Variants in TECPR2 observed in about 807,000 individuals in gnomAD.
The protein encoded by TECPR2 is tectonin beta-propeller repeat containing 2, also known as tectonin beta-propeller repeat-containing protein 2.
In TECPR2, 65 loss-of-function variants were observed where a neutral mutation model predicts 138.1. The ratio of observed to expected loss-of-function variants is 0.47; its 90% CI spans 0.39 to 0.58. The LOEUF is 0.58. Among genes scored for constraint, TECPR2 ranks in the 20% least tolerant of loss-of-function variants. The pLI, the probability that TECPR2 is intolerant of heterozygous loss-of-function variation, is 0.00. For synonymous variants in TECPR2, 746 were observed against 749.8 expected, an observed-to-expected ratio of 0.99 and a Z score of 0.08; for missense variants, 1,553 against 1,824.5, an observed-to-expected ratio of 0.85 and a Z score of 2.71.
intron 17 of TECPR2, among the ~76,000 whole-genome samples, chr14:102,477,411 G>T (rs1050032912): frequency 2.0e-5 from 3 of 151,960 alleles, no homozygotes; most frequent in Non-Finnish European, 4.4e-5. Context: ...ACAGATCAGT[G>T]CTTACTCAAG....
chr14:102,448,499 A>G (rs1890048779), intron 13 of TECPR2, among the ~76,000 whole-genome samples: 1 of 152,216 alleles, frequency 6.6e-6, no homozygotes, highest in Non-Finnish European at 1.5e-5. Context: ...GTTAGAGTCT[A>G]GATACCCAGG....
chr14:102,484,929 G>A (rs1890988829), intron 17 of TECPR2, among the ~76,000 whole-genome samples: 1 of 152,262 alleles, frequency 6.6e-6, no homozygotes, highest in African/African-American at 2.4e-5. Flanking sequence ...AAAGTGCTGG[G>A]ATTACAGGCG....
rs889418389 is a variant in TECPR2, at chr14:102,443,271, T to C, written c.2753-376T>C. On this transcript the variant is annotated intron_variant, in intron 11 of 19. Transcript: ENST00000359520. This position sits in a 1 kb window ranked among gnomAD's most constrained non-coding sequence, Gnocchi z 4.9. Reference sequence around the variant, plus strand: ...GGGACACCAGATAATTCTGAATTGTTCAGTTTTCAAAGAGTGTCTAAAACT... The same window carrying C: ...GGGACACCAGATAATTCTGAATTGTCCAGTTTTCAAAGAGTGTCTAAAACT... Among the ~76,000 whole-genome samples, 11 of 152,240 alleles carry C rather than the reference T, an allele frequency of 7.2e-5. No homozygotes were observed. Among genetic ancestry groups the C allele is most frequent in the Non-Finnish European group, 1.6e-4 (11 of 68,042 alleles).
intron 17 of TECPR2, among the ~76,000 whole-genome samples, chr14:102,494,044 T>C (rs1271468942): frequency 6.6e-6 from 1 of 152,124 alleles, no homozygotes; most frequent in Non-Finnish European, 1.5e-5. Context: ...GTGCCTCCCA[T>C]ATCTGAACCT....
intron 10 of TECPR2, 146 bp downstream of exon 10, chr14:102,438,351 C>A: frequency 9.5e-7 from 1 of 1,051,572 alleles, no homozygotes; most frequent in Non-Finnish European, 1.3e-6. Context: ...TTTGCCTCTT[C>A]AGGAACGTTT....
rs1356574941 is a variant in TECPR2 at position 102,435,192 on chromosome 14, G to A, written c.2375G>A (p.Gly792Glu). The A allele has an allele frequency of 2.5e-6, 4 of 1,610,720 alleles. 1 individual carries two copies. Among genetic ancestry groups the A allele is most frequent in the South Asian group, 2.2e-5 (2 of 91,014 alleles). Reference protein sequence around the residue: ...DLSRLGAEDAGLLKPDQFAES... With the variant: ...DLSRLGAEDAELLKPDQFAES... ...AGCCGGCTGGGTGCAGAGGACGCCGGGCTGCTCAAGCCAGATCAGGTATGT... is the reference window on the plus strand; with the variant it reads ...AGCCGGCTGGGTGCAGAGGACGCCGAGCTGCTCAAGCCAGATCAGGTATGT... Residue 792 changes from glycine (G) to glutamate (E), a missense_variant, in exon 9 of 20, where the codon GGG becomes GAG. Transcript: ENST00000359520.
intron 8 of TECPR2, among the ~76,000 whole-genome samples, chr14:102,432,560 G>A (rs1391272387): frequency 3.3e-5 from 5 of 151,994 alleles, no homozygotes; most frequent in East Asian, 1.9e-4. Flanking sequence ...CATGCCCAGC[G>A]AATTTTGTAT....
intron 2 of TECPR2, among the ~76,000 whole-genome samples, chr14:102,394,315 A>G (rs1394632863): frequency 1.3e-5 from 2 of 152,146 alleles, no homozygotes; most frequent in East Asian, 3.9e-4. Context: ...GTAACCTTAG[A>G]CAAATTACTA....
intron 17 of TECPR2, among the ~76,000 whole-genome samples, chr14:102,480,631 T>G (rs1049350619): frequency 6.6e-6 from 1 of 152,076 alleles, no homozygotes. Flanking sequence ...ACAATACTCC[T>G]GCCTCAGCCT....
At chr14:102,417,783 G>A (rs1889066840) in intron 5 of TECPR2, among the ~76,000 whole-genome samples, 1 of 147,998 alleles carries the variant, frequency 6.8e-6, no homozygotes, top group African/African-American at 2.5e-5. Flanking sequence ...GGGGAGCTGC[G>A]AGGAGGCTGG....
rs1487311489 is a variant in TECPR2, at chr14:102,415,358, A to G, written c.638+565A>G. Among the ~76,000 whole-genome samples the G allele has an allele frequency of 2.0e-5, 3 of 152,244 alleles. No individual in the cohort carries two copies. Among genetic ancestry groups the G allele is most frequent in the Non-Finnish European group, 1.5e-5 (1 of 68,040 alleles). ...CACACTTTTGTCCAGGTGAAGGGTC[A>G]GGGAAGACATCCTGAAGGCATGGGT... On this transcript the variant is annotated intron_variant, in intron 5 of 19. Coordinates refer to ENST00000359520, the MANE Select transcript of TECPR2 (RefSeq NM_014844.5). This position sits in a 1 kb window ranked among gnomAD's most constrained non-coding sequence, Gnocchi z 4.3.
chr14:102,498,284 G>C lies in TECPR2; in HGVS notation c.*27G>C. On this transcript the variant is annotated 3_prime_UTR_variant, in exon 20 of 20. Transcript: ENST00000359520. ...GGAGCCCTGGCCGAGTCACGCGGAG[G>C]GGCCCGGCGTCTGTGGCGGGCACAG... 1 of 1,587,136 alleles carries C rather than the reference G, an allele frequency of 6.3e-7. No individual in the cohort carries two copies. Among genetic ancestry groups the C allele is most frequent in the Non-Finnish European group, 8.5e-7 (1 of 1,174,454 alleles).
rs928455811 is a variant in TECPR2 at position 102,380,914 on chromosome 14, G to A, written c.219+3974G>A. ...AGGATGGTCTCGATCTCCTGACCTC[G>A]TGATCTGCCCGCCTCGGCCTCCCAA... On this transcript the variant is annotated intron_variant, in intron 2 of 19. Coordinates refer to ENST00000359520, the MANE Select transcript of TECPR2 (RefSeq NM_014844.5). Among the ~76,000 whole-genome samples the A allele has an allele frequency of 3.3e-5, 5 of 151,444 alleles. No homozygotes were observed. The East Asian group carries it at 7.8e-4, about 24-fold the overall frequency.
rs976287781 is a variant in TECPR2 at position 102,419,647 on chromosome 14, A to C, written c.638+4854A>C. Among the ~76,000 whole-genome samples, 3 of 152,104 alleles carry C rather than the reference A, an allele frequency of 2.0e-5. No homozygotes were observed. On this transcript the variant is annotated intron_variant, in intron 5 of 19. Transcript: ENST00000359520. The surrounding 1 kb of genome is among the most constrained non-coding windows in gnomAD (Gnocchi z 4.8). ...AGGTCAGGAGGCCCAGAGGTAGAAG[A>C]CGAGGGGTCCTCTTCCCGTCGAGTC...
At chr14:102,433,613 C>T (rs1056539265) in intron 8 of TECPR2, among the ~76,000 whole-genome samples, 1 of 151,916 alleles carries the variant, frequency 6.6e-6, no homozygotes, top group Non-Finnish European at 1.5e-5. Flanking sequence ...TTCCGCCTCC[C>T]AAGTTCAAGC....
intron 17 of TECPR2, among the ~76,000 whole-genome samples, chr14:102,483,235 A>G (rs1056267554): frequency 6.6e-6 from 1 of 152,070 alleles, no homozygotes; most frequent in Non-Finnish European, 1.5e-5. Flanking sequence ...TCCTAGTGTT[A>G]TAAGAACAGA....
intron 17 of TECPR2, among the ~76,000 whole-genome samples, chr14:102,471,395 T>C (rs1360320114): frequency 6.6e-6 from 1 of 152,166 alleles, no homozygotes; most frequent in East Asian, 1.9e-4. Context: ...GGTAGTAATG[T>C]CTCCTCTTTC....
intron 17 of TECPR2, among the ~76,000 whole-genome samples, chr14:102,490,698 A>T (rs934553255): frequency 1.3e-5 from 2 of 152,120 alleles, no homozygotes; most frequent in African/African-American, 4.8e-5. Flanking sequence ...GTCCTTCAGC[A>T]GGCGCCATGG....
rs1888034909 is a variant in TECPR2, at chr14:102,387,361, A to G, written c.219+10421A>G. On this transcript the variant is annotated intron_variant, in intron 2 of 19. Transcript: ENST00000359520. ...TTGCAAGGAGCTAATAACAAGTACAAAAATGTTAGAAATGTGTTAAATATA... is the reference window on the plus strand; with the variant it reads ...TTGCAAGGAGCTAATAACAAGTACAGAAATGTTAGAAATGTGTTAAATATA... 2.6e-5 allele frequency among the ~76,000 whole-genome samples: 4 copies of G among 152,186 alleles called. No individual in the cohort carries two copies. The South Asian group carries it at 6.2e-4, about 24-fold the overall frequency.
Sources: gnomAD v4.1 joint callset for allele counts (sites outside exome capture counted in the v4.1 genomes callset) on GRCh38, gnomAD v4.1.1 for gene constraint, Gnocchi (gnomAD v3.1) non-coding constraint, MANE v1.5 for transcripts, NCBI Gene and HGNC (gene_info 2026-07-23, HGNC 2026-07-21) for gene names.